ANKS1B: variants seen among roughly 807,000 people sequenced by gnomAD.
ANKS1B encodes ankyrin repeat and sterile alpha motif domain containing 1B, also known as ankyrin repeat and sterile alpha motif domain-containing protein 1B.
A neutral mutation model predicts 148.3 loss-of-function variants in ANKS1B; 36 were observed. That is an observed-to-expected ratio of 0.24 (90% CI 0.19 to 0.32). The LOEUF (loss-of-function observed/expected upper bound fraction) is 0.32, where lower values mean the gene tolerates loss of function less well. ANKS1B is among the 10% of genes least tolerant of loss of function. The pLI, the probability that ANKS1B is intolerant of heterozygous loss-of-function variation, is 1.00. For synonymous variants in ANKS1B, 542 were observed against 560.8 expected (o/e 0.97, Z 0.47); for missense variants, 1,157 against 1,542.6 (o/e 0.75, Z 4.19).
intron 8 of ANKS1B, among the ~76,000 whole-genome samples, chr12:99,673,257 A>G (rs2098546896): frequency 6.6e-6 from 1 of 152,144 alleles, no homozygotes; most frequent in Admixed American, 6.6e-5. Flanking sequence ...ATACTCAGGC[A>G]AAATCTTTTA....
rs142952727 is a variant in ANKS1B at position 99,960,413 on chromosome 12, C to T, written c.134+23691G>A. Among the ~76,000 whole-genome samples, 3 of 152,342 alleles carry T rather than the reference C, an allele frequency of 2.0e-5. No homozygotes were observed. In the East Asian group the frequency reaches 5.8e-4, roughly 29 times the overall value. On this transcript the variant is annotated intron_variant, in intron 1 of 26. Coordinates refer to ENST00000683438, the MANE Select transcript of ANKS1B (RefSeq NM_001352186.2). ...CCAAATCATGTCTCTCTTAACCTTCCTTTCCTTCTGCTCCCTAACCCTCTG... is the reference window on the plus strand; with the variant it reads ...CCAAATCATGTCTCTCTTAACCTTCTTTTCCTTCTGCTCCCTAACCCTCTG...
chr12:99,358,415 T>C (rs908562921), intron 12 of ANKS1B, among the ~76,000 whole-genome samples: 4 of 152,282 alleles, frequency 2.6e-5, no homozygotes, highest in African/African-American at 9.6e-5. Flanking sequence ...ATGCTTCCCC[T>C]ATAAAATATC....
chr12:99,174,471 T>C (rs2078143991), intron 14 of ANKS1B, among the ~76,000 whole-genome samples: 7 of 152,202 alleles, frequency 4.6e-5, no homozygotes, highest in Admixed American at 4.6e-4. Flanking sequence ...CTGGGTGCTT[T>C]TTATGCTCCC....
At chr12:99,600,701 A>G (rs2097793527) in intron 9 of ANKS1B, among the ~76,000 whole-genome samples, 1 of 151,978 alleles carries the variant, frequency 6.6e-6, no homozygotes, top group Non-Finnish European at 1.5e-5. Context: ...GGATTTCAAA[A>G]CTTAACTGGG....
At chr12:99,235,280 G>T (rs181128454) in intron 14 of ANKS1B, among the ~76,000 whole-genome samples, 2 of 152,128 alleles carry the variant, frequency 1.3e-5, no homozygotes, top group East Asian at 3.9e-4. Context: ...CTATATGTTT[G>T]AAGAATTTTA....
intron 10 of ANKS1B, among the ~76,000 whole-genome samples, chr12:99,487,806 TGGGC>T (rs1234868033): frequency 6.6e-6 from 1 of 152,170 alleles, no homozygotes; most frequent in Non-Finnish European, 1.5e-5. Context: ...TCTGTATTGA[TGGGC>T]ACAAAGTCCT....
intron 17 of ANKS1B, among the ~76,000 whole-genome samples, chr12:98,878,971 G>A (rs551045074): frequency 1.3e-5 from 2 of 152,320 alleles, no homozygotes; most frequent in African/African-American, 4.8e-5. Context: ...CAGATCTAAT[G>A]AACAGGGCAT....
At position 98,744,127 on chromosome 12, in the gene ANKS1B, C is replaced by T. The variant is rs2097831759; in HGVS notation, c.*1612G>A. ...TATTAACTTTGCTCCTATACAATTG[C>T]CTCCTGGTACCATATTTTAGTGTTA... On this transcript the variant is annotated 3_prime_UTR_variant, in exon 27 of 27. Transcript: ENST00000683438. The T allele has an allele frequency of 1.0e-6, 1 of 985,742 alleles. No individual in the cohort carries two copies. Among genetic ancestry groups the T allele is most frequent in the Non-Finnish European group, 1.2e-6 (1 of 829,858 alleles). The allele number at this position is 985,742 out of a possible 1,614,324, so 61.1% of individuals were successfully genotyped here. A position where few individuals can be genotyped will look rare whatever the true frequency, so the allele number is the denominator to read the frequency against.
chr12:99,558,524 G>A (rs1450811237), intron 9 of ANKS1B, among the ~76,000 whole-genome samples: 1 of 152,180 alleles, frequency 6.6e-6, no homozygotes, highest in Non-Finnish European at 1.5e-5. Flanking sequence ...GGAGGCTGTA[G>A]TGGGTGAGGT....
chr12:99,588,541 TGA>T (rs1209319445), intron 9 of ANKS1B, among the ~76,000 whole-genome samples: 1 of 151,576 alleles, frequency 6.6e-6, no homozygotes, highest in Non-Finnish European at 1.5e-5. Flanking sequence ...CTCAGCCTCC[TGA>T]GTATCTGGGA....
At chr12:99,924,747 A>G (rs1280451657) in intron 1 of ANKS1B, among the ~76,000 whole-genome samples, 1 of 152,128 alleles carries the variant, frequency 6.6e-6, no homozygotes, top group African/African-American at 2.4e-5. Flanking sequence ...AGAGGGCCCT[A>G]CCAGACACTT....
intron 12 of ANKS1B, among the ~76,000 whole-genome samples, chr12:99,280,673 T>C (rs55909838): frequency 0.14 from 20,553 of 152,020 alleles, 3,699 homozygotes; most frequent in African/African-American, 0.42. Context: ...AAAGGCCGAG[T>C]GAAAAGGAAT....
At chr12:99,533,679 T>C (rs887242040) in intron 9 of ANKS1B, among the ~76,000 whole-genome samples, 2 of 152,212 alleles carry the variant, frequency 1.3e-5, no homozygotes, top group African/African-American at 2.4e-5. Context: ...TTATCATATA[T>C]GGCTCTTATC....
intron 10 of ANKS1B, among the ~76,000 whole-genome samples, chr12:99,471,533 A>G (rs1172079848): frequency 1.3e-5 from 2 of 152,072 alleles, no homozygotes; most frequent in Admixed American, 1.3e-4. Context: ...TTGCAGAGCT[A>G]TGATGAGGAA....
chr12:99,241,285 G>C (rs1022788901), intron 14 of ANKS1B, among the ~76,000 whole-genome samples: 3 of 152,078 alleles, frequency 2.0e-5, no homozygotes, highest in African/African-American at 4.8e-5. Context: ...CGCAAATGAA[G>C]TAGAAAATCT....
chr12:99,681,183 T>A (rs1456076574), intron 8 of ANKS1B, among the ~76,000 whole-genome samples: 1 of 152,206 alleles, frequency 6.6e-6, no homozygotes, highest in African/African-American at 2.4e-5. Context: ...CCCTATACTA[T>A]GCAGTTGATC....
At chr12:99,347,005 G>C (rs1415079245) in intron 12 of ANKS1B, among the ~76,000 whole-genome samples, 2 of 151,956 alleles carry the variant, frequency 1.3e-5, no homozygotes, top group Non-Finnish European at 2.9e-5. Flanking sequence ...AAAGCACCTT[G>C]TTCTACCAGT....
intron 9 of ANKS1B, among the ~76,000 whole-genome samples, chr12:99,587,016 A>G (rs961650413): frequency 6.6e-6 from 1 of 152,114 alleles, no homozygotes; most frequent in Non-Finnish European, 1.5e-5. Context: ...ATTTGCTACT[A>G]AGAGGATTTT....
intron 19 of ANKS1B, among the ~76,000 whole-genome samples, chr12:98,812,215 T>G (rs1364082701): frequency 6.6e-6 from 1 of 152,232 alleles, no homozygotes; most frequent in Non-Finnish European, 1.5e-5. Context: ...ATATATTTAC[T>G]GTACCTTTTG....
Sources: gnomAD v4.1 joint callset for allele counts (sites outside exome capture counted in the v4.1 genomes callset) on GRCh38, gnomAD v4.1.1 for gene constraint, MANE v1.5 for transcripts, NCBI Gene and HGNC (gene_info 2026-07-23, HGNC 2026-07-21) for gene names.